The following CNTNAP5 variants were observed in gnomAD, a reference collection of about 807,000 sequenced individuals.
The protein encoded by CNTNAP5 is contactin associated protein family member 5.
A neutral mutation model predicts 150.2 loss-of-function variants in CNTNAP5; 72 were observed. The observed-to-expected ratio is 0.48, with a 90% CI of 0.40 to 0.58. CNTNAP5 has a LOEUF of 0.58. Ranked by LOEUF, CNTNAP5 falls within the 20% of genes least tolerant of loss-of-function variation. The pLI, the probability that CNTNAP5 is intolerant of heterozygous loss-of-function variation, is 0.00. For synonymous variants in CNTNAP5, 672 were observed against 619.8 expected (o/e 1.08, Z -1.25); for missense variants, 1,636 against 1,626.2 (o/e 1.01, Z -0.10).
At chr2:124,164,982 A>G (rs936651200) in intron 1 of CNTNAP5, among the ~76,000 whole-genome samples, 2 of 152,150 alleles carry the variant, frequency 1.3e-5, no homozygotes, top group Admixed American at 6.6e-5. Context: ...CAGGTAGAAC[A>G]CAAGCCCTGG....
intron 3 of CNTNAP5, among the ~76,000 whole-genome samples, chr2:124,388,033 A>G (rs1175568418): frequency 6.6e-6 from 1 of 152,180 alleles, no homozygotes; most frequent in Non-Finnish European, 1.5e-5. Flanking sequence ...CTCTCCTCAT[A>G]GGCTTCAGAG....
At chr2:124,072,170 A>C (rs1050937461) in intron 1 of CNTNAP5, among the ~76,000 whole-genome samples, 4 of 152,042 alleles carry the variant, frequency 2.6e-5, no homozygotes, top group Non-Finnish European at 2.9e-5. Flanking sequence ...GATAAAATTC[A>C]ACACTGATTC....
Position 124,524,363 on chromosome 2 carries a change from T to A in CNTNAP5, c.1388T>A (p.Ile463Asn). The change falls in exon 9 of 24, where the codon ATC becomes AAC. Residue 463 changes from isoleucine to asparagine, a missense_variant. Coordinates refer to ENST00000682447, the MANE Select transcript of CNTNAP5 (RefSeq NM_001367498.1). ...SVSINARRNR[I>N]TLTLDDEAAP... is the part of the protein sequence containing the mutation. ...AGCATCAACGCCAGGAGGAACCGCA[T>A]CACGCTCACTCTGGATGATGAAGCA... 1 of 1,613,838 alleles carries A rather than the reference T, an allele frequency of 6.2e-7. No homozygotes were observed. The highest frequency in any genetic ancestry group is 8.5e-7 in the Non-Finnish European group (1 of 1,179,818).
intron 5 of CNTNAP5, among the ~76,000 whole-genome samples, chr2:124,440,358 A>C (rs1692643678): frequency 6.6e-6 from 1 of 152,000 alleles, no homozygotes; most frequent in South Asian, 2.1e-4. Flanking sequence ...TTTTTTTGTC[A>C]AATACAATCT....
At chr2:124,156,897 G>GC (rs1178478336) in intron 1 of CNTNAP5, among the ~76,000 whole-genome samples, 1 of 152,142 alleles carries the variant, frequency 6.6e-6, no homozygotes, top group Non-Finnish European at 1.5e-5. Flanking sequence ...TTACCTCTGT[G>GC]CCTCAGTTTC....
At chr2:124,215,865 A>C (rs936921414) in intron 1 of CNTNAP5, among the ~76,000 whole-genome samples, 2 of 152,190 alleles carry the variant, frequency 1.3e-5, no homozygotes, top group Non-Finnish European at 2.9e-5. Context: ...GTTATAAATA[A>C]TACTACTACT....
intron 14 of CNTNAP5, among the ~76,000 whole-genome samples, chr2:124,758,074 A>G (rs1204867331): frequency 6.6e-6 from 1 of 152,190 alleles, no homozygotes; most frequent in Non-Finnish European, 1.5e-5. Flanking sequence ...GCAGGGATCC[A>G]GTTTATGTCA....
chr2:124,628,951 T>TA (rs1317223756), intron 12 of CNTNAP5, among the ~76,000 whole-genome samples: 3 of 151,704 alleles, frequency 2.0e-5, no homozygotes, highest in African/African-American at 4.8e-5. Flanking sequence ...CCAACAAAGG[T>TA]AAAAAAAGAC....
At chr2:124,206,659 T>TG in intron 1 of CNTNAP5, among the ~76,000 whole-genome samples, 1 of 152,324 alleles carries the variant, frequency 6.6e-6, no homozygotes, top group African/African-American at 2.4e-5. Context: ...ATGTGGTTCA[T>TG]GGGCCAGCGG....
chr2:124,220,850 C>G (rs1039717635), intron 1 of CNTNAP5, among the ~76,000 whole-genome samples: 8 of 152,094 alleles, frequency 5.3e-5, no homozygotes, highest in Middle Eastern at 3.2e-3. Flanking sequence ...GACATTAGAT[C>G]TCATCATGAG....
At chr2:124,250,320 C>T (rs1271871292) in intron 3 of CNTNAP5, among the ~76,000 whole-genome samples, 6 of 152,112 alleles carry the variant, frequency 3.9e-5, no homozygotes, top group Admixed American at 3.9e-4. Context: ...GGGGACCTCA[C>T]TTTGAGCAAC....
intron 13 of CNTNAP5, among the ~76,000 whole-genome samples, chr2:124,712,607 TCA>T (rs984127517): frequency 2.0e-5 from 3 of 152,202 alleles, no homozygotes; most frequent in African/African-American, 7.2e-5. Context: ...AATTAATTTC[TCA>T]CAGTTTTAGA....
chr2:124,514,676 G>A (rs1292821344), intron 8 of CNTNAP5, among the ~76,000 whole-genome samples: 1 of 152,152 alleles, frequency 6.6e-6, no homozygotes, highest in Non-Finnish European at 1.5e-5. Flanking sequence ...CAGCTGGATA[G>A]GTGAGAAAGG....
At chr2:124,652,345 A>G (rs1678341348) in intron 13 of CNTNAP5, among the ~76,000 whole-genome samples, 1 of 152,090 alleles carries the variant, frequency 6.6e-6, no homozygotes, top group African/African-American at 2.4e-5. Flanking sequence ...AGGGGGGGAG[A>G]ATCACCACAG....
At position 124,563,309 on chromosome 2, in the gene CNTNAP5, C is replaced by A. The variant is rs778337577; in HGVS notation, c.1742C>A (p.Ala581Asp). 1 of 1,557,580 alleles carries A rather than the reference C, an allele frequency of 6.4e-7. No homozygotes were observed. Among genetic ancestry groups the A allele is most frequent in the Non-Finnish European group, 8.7e-7 (1 of 1,147,854 alleles). The change falls in exon 11 of 24, where the codon GCC becomes GAC. Residue 581 changes from alanine to aspartate, a missense_variant. Transcript: ENST00000682447. ...TGCAGTGACACAAGTTACACTGGTG[C>A]CACCTGCCACAACTGTGAGTAGATT... The part of the protein sequence containing the change: ...CNCSDTSYTG[A>D]TCHNSIYEQS...
intron 2 of CNTNAP5, among the ~76,000 whole-genome samples, chr2:124,223,340 T>C (rs1052411502): frequency 5.3e-5 from 8 of 152,306 alleles, no homozygotes; most frequent in African/African-American, 1.4e-4. Context: ...AAAAACTCTC[T>C]GACTGTGCAC....
At chr2:124,366,754 G>A (rs1248609772) in intron 3 of CNTNAP5, among the ~76,000 whole-genome samples, 9 of 152,160 alleles carry the variant, frequency 5.9e-5, no homozygotes. Flanking sequence ...GAAGCTTTGG[G>A]GCTGGGAGAG....
intron 3 of CNTNAP5, among the ~76,000 whole-genome samples, chr2:124,365,280 C>A (rs1375610558): frequency 1.3e-5 from 2 of 149,456 alleles, no homozygotes; most frequent in Non-Finnish European, 3.0e-5. Context: ...TATGCCACTG[C>A]ACCTCAGCCT....
intron 13 of CNTNAP5, among the ~76,000 whole-genome samples, chr2:124,716,211 G>A (rs114553423): frequency 0.043 from 6,592 of 152,190 alleles, 510 homozygotes; most frequent in African/African-American, 0.15. Context: ...AAAACAAAAA[G>A]TTGAAATAAC....
Sources: allele counts gnomAD v4.1 joint callset (sites outside exome capture counted in the v4.1 genomes callset), GRCh38; gene constraint gnomAD v4.1.1; transcripts MANE v1.5; gene names NCBI Gene and HGNC (gene_info 2026-07-23, HGNC 2026-07-21).